SLC8A2: variants seen among roughly 807,000 people sequenced by gnomAD.
The protein encoded by SLC8A2 is solute carrier family 8 member A2, also known as sodium/calcium exchanger 2.
A neutral mutation model predicts 70.2 loss-of-function variants in SLC8A2; 14 were observed. The observed-to-expected ratio is 0.20, with a 90% CI of 0.13 to 0.31. SLC8A2 has a LOEUF of 0.31. Ranked by LOEUF, SLC8A2 falls within the 10% of genes least tolerant of loss-of-function variation. The pLI, the probability that SLC8A2 is intolerant of heterozygous loss-of-function variation, is 1.00. For synonymous variants in SLC8A2, 575 were observed against 594.3 expected (o/e 0.97, Z 0.47); for missense variants, 779 against 1,320.1 (o/e 0.59, Z 6.35).
chr19:47,461,537 A>C (rs1967395275), intron 2 of SLC8A2, among the ~76,000 whole-genome samples: 1 of 152,262 alleles, frequency 6.6e-6, no homozygotes, highest in Admixed American at 6.5e-5. Context: ...AGAGTATCTT[A>C]AAAATGAGCC....
intron 1 of SLC8A2, among the ~76,000 whole-genome samples, chr19:47,469,881 G>A (rs1175508362): frequency 2.0e-5 from 3 of 152,232 alleles, no homozygotes; most frequent in Admixed American, 6.5e-5. Context: ...AGCTGGGTCG[G>A]CAGTGAGCAC....
chr19:47,452,957 C>T (rs545320054), intron 3 of SLC8A2, among the ~76,000 whole-genome samples: 7 of 152,188 alleles, frequency 4.6e-5, no homozygotes, highest in Admixed American at 1.3e-4. Context: ...CACTTGAACG[C>T]GGGAGGCAGA....
rs943564825 is a variant in SLC8A2 at position 47,468,299 on chromosome 19, CTATT to C, written c.-16-1884_-16-1881del. 6.6e-6 allele frequency among the ~76,000 whole-genome samples: 1 copy of C among 152,110 alleles called. No homozygotes were observed. The highest frequency in any genetic ancestry group is 1.5e-5 in the Non-Finnish European group (1 of 68,024). On this transcript the variant is annotated intron_variant, in intron 1 of 9. Coordinates refer to ENST00000236877, the MANE Select transcript of SLC8A2 (RefSeq NM_015063.3). This position sits in a 1 kb window ranked among gnomAD's most constrained non-coding sequence, Gnocchi z 5.1. ...TTCCCCCTTCCTCGAACACGCTTCTCTATTTATGTATTTTTGAGACGGGATCTCA... is the reference window on the plus strand; with the variant it reads ...TTCCCCCTTCCTCGAACACGCTTCTCTATGTATTTTTGAGACGGGATCTCA...
chr19:47,458,358 C>T (rs1967343172), intron 2 of SLC8A2, among the ~76,000 whole-genome samples: 1 of 149,508 alleles, frequency 6.7e-6, no homozygotes, highest in Non-Finnish European at 1.5e-5. Flanking sequence ...CTCTTTCCTC[C>T]CCTCTCCCCG....
intron 2 of SLC8A2, among the ~76,000 whole-genome samples, chr19:47,462,150 T>C (rs1188188930): frequency 6.6e-6 from 1 of 152,240 alleles, no homozygotes; most frequent in Non-Finnish European, 1.5e-5. Flanking sequence ...ATGTCCCATA[T>C]GCCGTCTCAT....
At chr19:47,435,483 C>T (rs558803399) in intron 8 of SLC8A2, among the ~76,000 whole-genome samples, 4 of 151,948 alleles carry the variant, frequency 2.6e-5, no homozygotes, top group South Asian at 2.1e-4. Flanking sequence ...GCCATCTCCC[C>T]GTTGTTCGTG....
chr19:47,443,574 C>T (rs1174181906), intron 4 of SLC8A2, among the ~76,000 whole-genome samples: 1 of 152,230 alleles, frequency 6.6e-6, no homozygotes, highest in Non-Finnish European at 1.5e-5. Flanking sequence ...GGCAAGACTG[C>T]ATGGACCAGA....
chr19:47,432,372 G>C lies in SLC8A2; in HGVS notation c.2184C>G (p.Phe728Leu). ...AGAGCACCTTCCAGAACACCGTCAG[G>C]AAGTGCATCACGTAGTCAAAGCACG... The part of the protein sequence containing the change: ...LPSCFDYVMH[F>L]LTVFWKVLFA... Residue 728 changes from phenylalanine to leucine, a missense_variant, in exon 9 of 10, where the codon TTC (phenylalanine) becomes TTG (leucine). Phe to Leu is a conservative substitution (Grantham distance 22). Coordinates refer to ENST00000236877, the MANE Select transcript of SLC8A2 (RefSeq NM_015063.3). This position sits in a 1 kb window ranked among gnomAD's most constrained non-coding sequence, Gnocchi z 6.2. 6.2e-7 allele frequency: 1 copy of C among 1,613,912 alleles called. No individual in the cohort carries two copies. Among genetic ancestry groups the C allele is most frequent in the Non-Finnish European group, 8.5e-7 (1 of 1,179,940 alleles).
Position 47,462,867 on chromosome 19 carries a change from C to T in SLC8A2, c.675+2862G>A, listed in dbSNP as rs190092879. Among the ~76,000 whole-genome samples, 12 of 152,280 alleles carry T rather than the reference C, an allele frequency of 7.9e-5. No individual in the cohort carries two copies. The South Asian group carries it at 1.5e-3, about 18-fold the overall frequency. ...CCTCCCAAAGTGCTAGGATTACAGG[C>T]GTGAGCCACTGTGCCCGGCCTTATG... On this transcript the variant is annotated intron_variant, in intron 2 of 9. Transcript: ENST00000236877.
In SLC8A2 at chr19:47,466,101, C is replaced by T. The variant is rs200040425; in HGVS notation, c.303G>A (p.Thr101=). ...DRFMAAIEVI[T]SKEKEITITK... ...TGATGGTGATCTCCTTCTCTTTTGA[C>T]GTGATGACCTCGATGGCCGCCATGA... Residue 101 remains threonine, a synonymous_variant, in exon 2 of 10, where the codon ACG becomes ACA. Coordinates refer to ENST00000236877, the MANE Select transcript of SLC8A2 (RefSeq NM_015063.3). This position sits in a 1 kb window ranked among gnomAD's most constrained non-coding sequence, Gnocchi z 6.9. 9.4e-5 allele frequency: 152 copies of T among 1,614,212 alleles called. No homozygotes were observed. Among genetic ancestry groups the T allele is most frequent in the Admixed American group, 6.3e-4 (38 of 60,022 alleles).
rs1317992551 is a variant in SLC8A2, at chr19:47,428,243, TGATG to T, written c.*1842_*1845del. On this transcript the variant is annotated 3_prime_UTR_variant, in exon 10 of 10. Coordinates refer to ENST00000236877, the MANE Select transcript of SLC8A2 (RefSeq NM_015063.3). ...GGTGTGATTAGTGGAAGAGCTAGGC[TGATG>T]AATGGGGGCGTGGTTAGTGGAAACC... 1 of 151,556 alleles carries T rather than the reference TGATG, an allele frequency of 6.6e-6. No homozygotes were observed. Among genetic ancestry groups the T allele is most frequent in the East Asian group, 1.9e-4 (1 of 5,170 alleles). The allele number at this position is 151,556 out of a possible 1,614,324, so 9.4% of individuals were successfully genotyped here.
In SLC8A2 at chr19:47,466,451, G is replaced by A. The variant is rs1967463175; in HGVS notation, c.-16-32C>T. 5 of 739,766 alleles carry A rather than the reference G, an allele frequency of 6.8e-6. No individual in the cohort carries two copies. Among genetic ancestry groups the A allele is most frequent in the Admixed American group, 3.0e-5 (1 of 33,600 alleles). The allele number at this position is 739,766 out of a possible 1,614,324, so 45.8% of individuals were successfully genotyped here. ...GGGAGGAGGAGGAGGTCTGGGTGAG[G>A]GAAGCAAACCTCTTTCTGTCATACA... On this transcript the variant is annotated intron_variant, in intron 1 of 9. Coordinates refer to ENST00000236877, the MANE Select transcript of SLC8A2 (RefSeq NM_015063.3). The surrounding 1 kb of genome is among the most constrained non-coding windows in gnomAD (Gnocchi z 6.9).
At position 47,448,309 on chromosome 19, in the gene SLC8A2, G is replaced by A. The variant is rs537129326; in HGVS notation, c.1341-78C>T. 21 of 1,139,624 alleles carry A rather than the reference G, an allele frequency of 1.8e-5. No individual in the cohort carries two copies. The African/African-American group carries it at 2.0e-4, about 11-fold the overall frequency. 70.6% of individuals were successfully genotyped at this position (1,139,624 alleles called of 1,614,324 possible). On this transcript the variant is annotated intron_variant, in intron 3 of 9. Transcript: ENST00000236877. This position sits in a 1 kb window ranked among gnomAD's most constrained non-coding sequence, Gnocchi z 4.8. ...TGTGTTGTACGGGGGGAGTCTGGAC[G>A]TGCTTCCCAGAGGAGACGTAGGTGC...
Position 47,471,794 on chromosome 19 carries a change from G to T in SLC8A2, c.-22C>A, listed in dbSNP as rs1394607667. ...CCACCAATGGGGTCTCTTACCTGCG[G>T]CTACAGCCTGGAGCAGGTCCCCCCA... is the stretch of plus-strand genomic sequence containing the variant. On this transcript the variant is annotated 5_prime_UTR_variant, in exon 1 of 10. Transcript: ENST00000236877. The T allele has an allele frequency of 6.6e-6, 1 of 152,052 alleles. No individual in the cohort carries two copies. Among genetic ancestry groups the T allele is most frequent in the Non-Finnish European group, 1.5e-5 (1 of 68,072 alleles). The allele number at this position is 152,052 out of a possible 1,614,324, so 9.4% of individuals were successfully genotyped here.
At position 47,470,165 on chromosome 19, in the gene SLC8A2, C is replaced by A. The variant is rs143903195; in HGVS notation, c.-17+1624G>T. Among the ~76,000 whole-genome samples the A allele has an allele frequency of 5.9e-5, 9 of 152,266 alleles. No individual in the cohort carries two copies. The East Asian group carries it at 1.7e-3, about 29-fold the overall frequency. ...GGCGCTCCCATCACCTCAAAATGGT[C>A]CAGTGTGGGGATCACACCACAGAGC... is the stretch of plus-strand genomic sequence containing the variant. On this transcript the variant is annotated intron_variant, in intron 1 of 9. Coordinates refer to ENST00000236877, the MANE Select transcript of SLC8A2 (RefSeq NM_015063.3).
Position 47,461,209 on chromosome 19 carries a change from G to A in SLC8A2, c.676-3615C>T, listed in dbSNP as rs576730431. On this transcript the variant is annotated intron_variant, in intron 2 of 9. Coordinates refer to ENST00000236877, the MANE Select transcript of SLC8A2 (RefSeq NM_015063.3). ...GTTTCAAAAAAAAAAGAGTATTTACGATGACAAGGCCCCCGAAGGCCAGGC... is the reference window on the plus strand; with the variant it reads ...GTTTCAAAAAAAAAAGAGTATTTACAATGACAAGGCCCCCGAAGGCCAGGC... Among the ~76,000 whole-genome samples, 11 of 151,052 alleles carry A rather than the reference G, an allele frequency of 7.3e-5. 1 individual carries two copies. The highest frequency in any genetic ancestry group is 2.4e-4 in the African/African-American group (10 of 41,210).
At chr19:47,438,053 T>C (rs975641684) in intron 6 of SLC8A2, 80 bp from the exon 7 acceptor site, 4 of 1,563,050 alleles carry the variant, frequency 2.6e-6, no homozygotes, top group Non-Finnish European at 3.5e-6. Context: ...CCTGTCCCCA[T>C]AGTTAGAGAA....
At chr19:47,431,964 G>A (rs1347632315) in intron 9 of SLC8A2, 2 of 460,354 alleles carry the variant, frequency 4.3e-6, no homozygotes, top group East Asian at 6.8e-5. Context: ...CTTCTACCTG[G>A]GTGCTTTTGG....
rs111488062 is a variant in SLC8A2 at position 47,433,653 on chromosome 19, CT to C, written c.2111-1209del. 4.5e-3 allele frequency among the ~76,000 whole-genome samples: 649 copies of C among 144,128 alleles called. 1 individual carries two copies. The highest frequency in any genetic ancestry group is 7.1e-3 in the Middle Eastern group (2 of 280). 94.6% of individuals were successfully genotyped at this position (144,128 alleles called of 152,430 possible). A position where few individuals can be genotyped will look rare whatever the true frequency, so the allele number is the denominator to read the frequency against. On this transcript the variant is annotated intron_variant, in intron 8 of 9. Transcript: ENST00000236877. ...TTGACCAGCTTTTGACCTGCAGTGA[CT>C]TTTTTTTTTTTTTGAGACAGAGCCT...
Sources: gnomAD v4.1 joint callset for allele counts (sites outside exome capture counted in the v4.1 genomes callset) on GRCh38, gnomAD v4.1.1 for gene constraint, Gnocchi (gnomAD v3.1) non-coding constraint, MANE v1.5 for transcripts, NCBI Gene and HGNC (gene_info 2026-07-23, HGNC 2026-07-21) for gene names.